Variants in TTC7B observed in about 807,000 individuals in gnomAD.
The protein encoded by TTC7B is tetratricopeptide repeat domain 7B.
Under a neutral mutation model 106.8 loss-of-function variants are expected in TTC7B, and 28 were observed. The observed-to-expected ratio is 0.26, with a 90% CI of 0.19 to 0.36. TTC7B has a LOEUF of 0.36. TTC7B is among the 10% of genes least tolerant of loss of function. TTC7B has a pLI of 1.00. For synonymous variants in TTC7B, 405 were observed against 430.6 expected (o/e 0.94, Z 0.74); for missense variants, 862 against 1,076.4 (o/e 0.80, Z 2.79).
At chr14:90,734,332 A>C (rs1241977629) in intron 4 of TTC7B, among the ~76,000 whole-genome samples, 1 of 151,224 alleles carries the variant, frequency 6.6e-6, no homozygotes, top group East Asian at 2.0e-4. Flanking sequence ...AGGCATGAGA[A>C]TTGCTTGAAC....
intron 5 of TTC7B, among the ~76,000 whole-genome samples, chr14:90,725,692 G>T (rs1033149610): frequency 6.6e-6 from 1 of 152,104 alleles, no homozygotes; most frequent in Admixed American, 6.6e-5. Context: ...TGCAGCACTC[G>T]GTGATGTAAC....
intron 3 of TTC7B, among the ~76,000 whole-genome samples, chr14:90,777,027 G>A (rs1411237899): frequency 6.6e-6 from 1 of 152,188 alleles, no homozygotes; most frequent in Non-Finnish European, 1.5e-5. Flanking sequence ...CCTGAGATCA[G>A]GAGTTCGAGA....
intron 15 of TTC7B, among the ~76,000 whole-genome samples, chr14:90,635,014 T>C (rs542046068): frequency 2.0e-5 from 3 of 152,252 alleles, no homozygotes; most frequent in Admixed American, 6.5e-5. Context: ...AGTAAACAAA[T>C]AGTTGACTTC....
intron 16 of TTC7B, 86 bp from the exon 17 acceptor site, chr14:90,610,925 C>G: frequency 1.2e-6 from 1 of 862,656 alleles, no homozygotes; most frequent in Non-Finnish European, 2.0e-6. Flanking sequence ...CTCCTGAAGG[C>G]CAATGAATAC....
intron 5 of TTC7B, chr14:90,698,913 T>G (rs572362406): frequency 2.3e-4 from 67 of 294,386 alleles, no homozygotes; most frequent in African/African-American, 1.4e-3. Context: ...CCTACCACTT[T>G]TCATGGGGAC....
chr14:90,664,898 G>T (rs551094876), intron 9 of TTC7B, among the ~76,000 whole-genome samples: 1 of 152,362 alleles, frequency 6.6e-6, no homozygotes, highest in Non-Finnish European at 1.5e-5. Context: ...AACAAAGCAA[G>T]AGTAGATCTT....
At chr14:90,579,566 G>A (rs1891401407) in intron 18 of TTC7B, among the ~76,000 whole-genome samples, 1 of 152,250 alleles carries the variant, frequency 6.6e-6, no homozygotes, top group African/African-American at 2.4e-5. Flanking sequence ...GGGAGGCCGA[G>A]GCGGGCGGAT....
At position 90,541,422 on chromosome 14, in the gene TTC7B, C is replaced by T. The variant is rs1889580490; in HGVS notation, c.2478G>A (p.Glu826=). ...AATECFLTAL[E]LEASSPAVPF... is the part of the protein sequence containing the mutation. ...GCACGGCGGGGCTGCTGGCCTCCAG[C>T]TCCAAGGCTGTCAGGAAGCACTCCG... Residue 826 remains glutamate (E), a synonymous_variant, in exon 20 of 20, where the codon GAG becomes GAA. Coordinates refer to ENST00000328459, the MANE Select transcript of TTC7B (RefSeq NM_001010854.2). The T allele has an allele frequency of 3.1e-6, 5 of 1,612,406 alleles. No individual in the cohort carries two copies. The highest frequency in any genetic ancestry group is 2.7e-5 in the African/African-American group (2 of 74,944).
chr14:90,557,421 C>T (rs1430189944), intron 19 of TTC7B, among the ~76,000 whole-genome samples: 1 of 152,202 alleles, frequency 6.6e-6, no homozygotes, highest in South Asian at 2.1e-4. Context: ...GAAAATGAAG[C>T]AGCAAATTCT....
chr14:90,620,569 T>G (rs556043735), intron 15 of TTC7B, among the ~76,000 whole-genome samples: 1 of 152,212 alleles, frequency 6.6e-6, no homozygotes, highest in Non-Finnish European at 1.5e-5. Context: ...GGAGGCCCCA[T>G]GGAGGACTGT....
rs1034932280 is a variant in TTC7B, at chr14:90,531,531, A to G, written c.*9837T>C. On this transcript the variant is annotated 3_prime_UTR_variant, in exon 20 of 20. Coordinates refer to ENST00000328459, the MANE Select transcript of TTC7B (RefSeq NM_001010854.2). ...CCACTCGGGAGGCTGAGTCAGGAGA[A>G]CAGCTTGAACCCAGGAGGCGGAGGT... The G allele has an allele frequency of 3.3e-5, 5 of 151,930 alleles. No homozygotes were observed. The highest frequency in any genetic ancestry group is 1.2e-4 in the African/African-American group (5 of 41,340). The allele number at this position is 151,930 out of a possible 1,614,324, so 9.4% of individuals were successfully genotyped here.
chr14:90,683,771 C>G (rs535329465), intron 7 of TTC7B, among the ~76,000 whole-genome samples: 1 of 152,208 alleles, frequency 6.6e-6, no homozygotes, highest in Admixed American at 6.5e-5. Context: ...AGAGGACGGG[C>G]CTCTCCACAA....
At chr14:90,726,228 G>C (rs1889096980) in intron 5 of TTC7B, among the ~76,000 whole-genome samples, 1 of 152,228 alleles carries the variant, frequency 6.6e-6, no homozygotes, top group African/African-American at 2.4e-5. Flanking sequence ...GGGAACCCGA[G>C]GGTGAGGCCG....
chr14:90,794,419 C>T (rs11159976), intron 1 of TTC7B, among the ~76,000 whole-genome samples: 7 of 151,160 alleles, frequency 4.6e-5, no homozygotes, highest in East Asian at 2.0e-4. Flanking sequence ...GTAGAGATGG[C>T]GTTTCACCAT....
intron 5 of TTC7B, among the ~76,000 whole-genome samples, chr14:90,702,678 T>C (rs1287314457): frequency 6.6e-6 from 1 of 152,228 alleles, no homozygotes. Flanking sequence ...TGCTATTTAC[T>C]GAAAGTCTAC....
Position 90,531,367 on chromosome 14 carries a change from C to T in TTC7B, c.*10001G>A, listed in dbSNP as rs1242135715. 6.6e-6 allele frequency: 1 copy of T among 151,756 alleles called. No homozygotes were observed. The highest frequency in any genetic ancestry group is 1.9e-4 in the East Asian group (1 of 5,186). The allele number at this position is 151,756 out of a possible 1,614,324, so 9.4% of individuals were successfully genotyped here. A position where few individuals can be genotyped will look rare whatever the true frequency, so the allele number is the denominator to read the frequency against. On this transcript the variant is annotated 3_prime_UTR_variant, in exon 20 of 20. Coordinates refer to ENST00000328459, the MANE Select transcript of TTC7B (RefSeq NM_001010854.2). Reference sequence around the variant, plus strand: ...GGGCAGATCACCTGAAGCAGGAGTTCGAGACCAGCCTGACCTACATGGTGA... The same window carrying T: ...GGGCAGATCACCTGAAGCAGGAGTTTGAGACCAGCCTGACCTACATGGTGA...
chr14:90,783,510 G>A (rs1891284893), intron 2 of TTC7B, among the ~76,000 whole-genome samples: 1 of 152,164 alleles, frequency 6.6e-6, no homozygotes, highest in South Asian at 2.1e-4. Flanking sequence ...TTCTCCATTT[G>A]AGCCTCAAAA....
In TTC7B at chr14:90,624,894, T is replaced by G. The variant is rs1481544938; in HGVS notation, c.1752-6849A>C. 2.0e-5 allele frequency among the ~76,000 whole-genome samples: 3 copies of G among 152,226 alleles called. No individual in the cohort carries two copies. Among genetic ancestry groups the G allele is most frequent in the African/African-American group, 7.2e-5 (3 of 41,458 alleles). ...GGCTCTGCATGCCAGGGACCTGCTCTTTCTTTGTTTATCTACTGAATGCAG... is the reference window on the plus strand; with the variant it reads ...GGCTCTGCATGCCAGGGACCTGCTCGTTCTTTGTTTATCTACTGAATGCAG... On this transcript the variant is annotated intron_variant, in intron 15 of 19. Coordinates refer to ENST00000328459, the MANE Select transcript of TTC7B (RefSeq NM_001010854.2). The surrounding 1 kb of genome is among the most constrained non-coding windows in gnomAD (Gnocchi z 4.0).
chr14:90,610,877 G>A lies in TTC7B; in HGVS notation c.1869-38C>T, dbSNP rs751441481. Reference sequence around the variant, plus strand: ...GCTACAAATGTCAGTCACCTGCAAGGTGGGAGGAGGGAAGGAAAGAGAGGC... The same window carrying A: ...GCTACAAATGTCAGTCACCTGCAAGATGGGAGGAGGGAAGGAAAGAGAGGC... On this transcript the variant is annotated intron_variant, in intron 16 of 19. Coordinates refer to ENST00000328459, the MANE Select transcript of TTC7B (RefSeq NM_001010854.2). 9 of 1,472,228 alleles carry A rather than the reference G, an allele frequency of 6.1e-6. No homozygotes were observed. In the Admixed American group the frequency reaches 6.7e-5, roughly 11 times the overall value. 91.2% of individuals were successfully genotyped at this position (1,472,228 alleles called of 1,614,324 possible). A position where few individuals can be genotyped will look rare whatever the true frequency, so the allele number is the denominator to read the frequency against.
Sources: gnomAD v4.1 joint callset for allele counts (sites outside exome capture counted in the v4.1 genomes callset) on GRCh38, gnomAD v4.1.1 for gene constraint, Gnocchi (gnomAD v3.1) non-coding constraint, MANE v1.5 for transcripts, NCBI Gene and HGNC (gene_info 2026-07-23, HGNC 2026-07-21) for gene names.